Variants in ANO2 observed in about 807,000 individuals in gnomAD.
ANO2 encodes anoctamin-2.
A neutral mutation model predicts 124.2 loss-of-function variants in ANO2; 101 were observed. The ratio of observed to expected loss-of-function variants is 0.81; its 90% CI spans 0.69 to 0.96. The LOEUF (loss-of-function observed/expected upper bound fraction) is 0.96. ANO2 is among the 40% of genes least tolerant of loss of function. The probability of loss-of-function intolerance (pLI) is 0.00; values close to 1 mark genes in which losing one functional copy is unlikely to be tolerated. For synonymous variants in ANO2, 486 were observed against 482.5 expected, an observed-to-expected ratio of 1.01 and a Z score of -0.09; for missense variants, 1,293 against 1,274.5, an observed-to-expected ratio of 1.01 and a Z score of -0.22.
chr12:5,844,442 C>G (rs148091565), intron 4 of ANO2, among the ~76,000 whole-genome samples: 3 of 152,328 alleles, frequency 2.0e-5, no homozygotes, highest in South Asian at 2.1e-4. Context: ...TCTTAGATAT[C>G]TGTGAACAAT....
At chr12:5,784,445 C>A (rs1035282804) in intron 10 of ANO2, among the ~76,000 whole-genome samples, 1 of 152,182 alleles carries the variant, frequency 6.6e-6, no homozygotes, top group Non-Finnish European at 1.5e-5. Context: ...TTCGTTGAAT[C>A]GTTGAGTAGA....
At chr12:5,938,292 C>T (rs546807219) in intron 1 of ANO2, among the ~76,000 whole-genome samples, 82 of 152,334 alleles carry the variant, frequency 5.4e-4, no homozygotes, top group Non-Finnish European at 9.6e-4. Flanking sequence ...TCCCTGACCC[C>T]TGGTAAATAG....
intron 13 of ANO2, among the ~76,000 whole-genome samples, chr12:5,736,488 G>A (rs1015532256): frequency 4.6e-5 from 7 of 152,170 alleles, no homozygotes; most frequent in Non-Finnish European, 8.8e-5. Context: ...ATACTGGGAG[G>A]TGTCTGGTTA....
At chr12:5,599,741 C>A (rs1943839523) in intron 19 of ANO2, 112 bp from the exon 20 acceptor site, 4 of 1,204,488 alleles carry the variant, frequency 3.3e-6, no homozygotes, top group African/African-American at 3.1e-5. Flanking sequence ...CATCTCTGAT[C>A]CAAAAACAAG....
rs1414896661 is a variant in ANO2, at chr12:5,636,050, A to T, written c.1621-703T>A. Among the ~76,000 whole-genome samples the T allele has an allele frequency of 6.6e-6, 1 of 152,114 alleles. No homozygotes were observed. The highest frequency in any genetic ancestry group is 1.5e-5 in the Non-Finnish European group (1 of 68,020). On this transcript the variant is annotated intron_variant, in intron 15 of 24. Coordinates refer to ENST00000682330, the MANE Select transcript of ANO2 (RefSeq NM_001364791.2). This position sits in a 1 kb window ranked among gnomAD's most constrained non-coding sequence, Gnocchi z 4.6. ...AAGATGAACAAAATATCACTGTAAG[A>T]TTTCTCTACTAGGTGACTTGAAATG... is the stretch of plus-strand genomic sequence containing the variant.
intron 14 of ANO2, among the ~76,000 whole-genome samples, chr12:5,651,937 T>C (rs1262625212): frequency 6.6e-6 from 1 of 152,256 alleles, no homozygotes; most frequent in Non-Finnish European, 1.5e-5. Flanking sequence ...TTTGTTCGTT[T>C]TTATTGCTGA....
At chr12:5,897,203 G>T (rs759369464) in intron 3 of ANO2, among the ~76,000 whole-genome samples, 13 of 152,172 alleles carry the variant, frequency 8.5e-5, no homozygotes, top group Non-Finnish European at 1.9e-4. Flanking sequence ...AGAAGACTTA[G>T]AGGAAGCAGC....
chr12:5,767,820 G>A (rs1006130389), intron 10 of ANO2, among the ~76,000 whole-genome samples: 21 of 152,132 alleles, frequency 1.4e-4, no homozygotes, highest in African/African-American at 5.1e-4. Context: ...GGGCCTCTCT[G>A]GCCCACAGGC....
At chr12:5,871,823 A>G (rs958351437) in intron 3 of ANO2, among the ~76,000 whole-genome samples, 2 of 152,148 alleles carry the variant, frequency 1.3e-5, no homozygotes, top group African/African-American at 4.8e-5. Context: ...TCAGAAACCT[A>G]CTGGTGGGGA....
intron 3 of ANO2, among the ~76,000 whole-genome samples, chr12:5,883,048 G>C (rs1423738177): frequency 1.3e-5 from 2 of 152,092 alleles, no homozygotes; most frequent in Non-Finnish European, 2.9e-5. Flanking sequence ...TATCAGTAGG[G>C]AGCATTCACC....
At chr12:5,923,179 C>T (rs1941870180) in intron 1 of ANO2, among the ~76,000 whole-genome samples, 1 of 56,348 alleles carries the variant, frequency 1.8e-5, no homozygotes, top group Non-Finnish European at 4.8e-5. Flanking sequence ...CACACGCACA[C>T]ACACATACAC....
intron 12 of ANO2, among the ~76,000 whole-genome samples, chr12:5,742,340 A>C (rs1418844396): frequency 1.3e-5 from 2 of 152,212 alleles, no homozygotes; most frequent in African/African-American, 4.8e-5. Context: ...CTGTAACTGA[A>C]TACACAATCA....
At chr12:5,896,759 T>A (rs1427544083) in intron 3 of ANO2, among the ~76,000 whole-genome samples, 1 of 152,220 alleles carries the variant, frequency 6.6e-6, no homozygotes, top group Non-Finnish European at 1.5e-5. Flanking sequence ...AGAAATTAAA[T>A]ATTTTATTTG....
intron 3 of ANO2, among the ~76,000 whole-genome samples, chr12:5,918,780 C>T (rs1289789274): frequency 6.6e-6 from 1 of 152,152 alleles, no homozygotes; most frequent in Admixed American, 6.5e-5. Flanking sequence ...AAAATGGCAC[C>T]TCAAGCCTCA....
chr12:5,585,017 C>T (rs1293797031), intron 20 of ANO2, among the ~76,000 whole-genome samples: 1 of 151,994 alleles, frequency 6.6e-6, no homozygotes, highest in Admixed American at 6.6e-5. Flanking sequence ...GGAAGATGGA[C>T]ATGGAAACAA....
Position 5,830,496 on chromosome 12 carries a change from A to T in ANO2, c.786-7T>A, listed in dbSNP as rs1191012967. On this transcript the variant is annotated splice_region_variant and splice_polypyrimidine_tract_variant and intron_variant, in intron 5 of 24. Transcript: ENST00000682330. ...CTTTTCCTGGATGTTGTACCTGGAG[A>T]CACCAAGAGAGCAGATGGCAAATTC... The T allele has an allele frequency of 6.2e-7, 1 of 1,610,106 alleles. No homozygotes were observed. Among genetic ancestry groups the T allele is most frequent in the African/African-American group, 1.3e-5 (1 of 74,876 alleles).
At chr12:5,926,520 G>A (rs566356231) in intron 1 of ANO2, among the ~76,000 whole-genome samples, 1 of 152,186 alleles carries the variant, frequency 6.6e-6, no homozygotes, top group South Asian at 2.1e-4. Context: ...CTCTGCTCTA[G>A]CACACCAGCT....
intron 10 of ANO2, among the ~76,000 whole-genome samples, chr12:5,753,347 C>T (rs576883034): frequency 6.6e-6 from 1 of 152,238 alleles, no homozygotes; most frequent in African/African-American, 2.4e-5. Flanking sequence ...TCATCTTGTG[C>T]TCAGCAAATC....
chr12:5,771,734 T>C (rs1952088491), intron 10 of ANO2, among the ~76,000 whole-genome samples: 1 of 152,006 alleles, frequency 6.6e-6, no homozygotes, highest in African/African-American at 2.4e-5. Flanking sequence ...GAGCTGAGAT[T>C]GCACCACGGC....
Sources: gnomAD v4.1 joint callset for allele counts (sites outside exome capture counted in the v4.1 genomes callset) on GRCh38, gnomAD v4.1.1 for gene constraint, Gnocchi (gnomAD v3.1) non-coding constraint, MANE v1.5 for transcripts, NCBI Gene and HGNC (gene_info 2026-07-23, HGNC 2026-07-21) for gene names.